NTN1: variants seen among roughly 807,000 people sequenced by gnomAD.
NTN1 encodes the protein netrin-1.
NTN1 carries 11 observed loss-of-function variants against 54.2 expected under a neutral mutation model. That is an observed-to-expected ratio of 0.20 (90% CI 0.13 to 0.34). The LOEUF is 0.34. Ranked by LOEUF, NTN1 falls within the 10% of genes least tolerant of loss-of-function variation. NTN1 has a pLI of 1.00. For synonymous variants in NTN1, 371 were observed against 382.0 expected, an observed-to-expected ratio of 0.97 and a Z score of 0.33; for missense variants, 740 against 893.1, an observed-to-expected ratio of 0.83 and a Z score of 2.18.
intron 2 of NTN1, among the ~76,000 whole-genome samples, chr17:9,063,712 TA>T (rs1310524981): frequency 1.3e-5 from 2 of 152,140 alleles, no homozygotes; most frequent in Non-Finnish European, 2.9e-5. Flanking sequence ...CACGCCTGGC[TA>T]ATTTTTTTGT....
At chr17:9,072,947 A>G (rs1405058305) in intron 2 of NTN1, among the ~76,000 whole-genome samples, 3 of 151,874 alleles carry the variant, frequency 2.0e-5, no homozygotes, top group African/African-American at 7.3e-5. Flanking sequence ...TTCCTTCCCC[A>G]CCCTCCTGTA....
At chr17:9,162,629 C>T (rs547905950) in intron 2 of NTN1, among the ~76,000 whole-genome samples, 184 bp from the exon 3 acceptor site, 1 of 152,298 alleles carries the variant, frequency 6.6e-6, no homozygotes, top group Non-Finnish European at 1.5e-5. Context: ...TGTTACGTGC[C>T]CAATAAATGC....
At position 9,187,547 on chromosome 17, in the gene NTN1, C is replaced by T. The variant is rs1470455126; in HGVS notation, c.1411+4578C>T. On this transcript the variant is annotated intron_variant, in intron 5 of 6. Transcript: ENST00000173229. ...AAATGAATGGCCAGGTGCGGTGGCT[C>T]ACGCCCATAATCCAACCACCTCGGG... Among the ~76,000 whole-genome samples, 4 of 151,002 alleles carry T rather than the reference C, an allele frequency of 2.6e-5. No homozygotes were observed. In the Admixed American group the frequency reaches 2.7e-4, roughly 10 times the overall value.
In NTN1 at chr17:9,242,170, A is replaced by AT. The variant is rs942382566; in HGVS notation, c.*2202_*2203insT. ...GAGGTGGTAGAAAGGTGTTTTTAGAAAGGTGTTTTGGCTGCCTCAGGGTGG... is the reference window on the plus strand; with the variant it reads ...GAGGTGGTAGAAAGGTGTTTTTAGAATAGGTGTTTTGGCTGCCTCAGGGTGG... On this transcript the variant is annotated 3_prime_UTR_variant, in exon 7 of 7. Transcript: ENST00000173229. The AT allele has an allele frequency of 1.3e-5, 2 of 152,476 alleles. No individual in the cohort carries two copies. Among genetic ancestry groups the AT allele is most frequent in the African/African-American group, 2.4e-5 (1 of 41,450 alleles). The allele number at this position is 152,476 out of a possible 1,614,324, so 9.4% of individuals were successfully genotyped here. A position where few individuals can be genotyped will look rare whatever the true frequency, so the allele number is the denominator to read the frequency against.
At chr17:9,065,351 C>T (rs2092011826) in intron 2 of NTN1, among the ~76,000 whole-genome samples, 1 of 152,178 alleles carries the variant, frequency 6.6e-6, no homozygotes, top group African/African-American at 2.4e-5. Context: ...CTCCTGGTTT[C>T]CTGCCCACAC....
intron 6 of NTN1, among the ~76,000 whole-genome samples, chr17:9,229,709 A>G (rs1280700089): frequency 1.3e-5 from 2 of 152,044 alleles, no homozygotes; most frequent in African/African-American, 2.4e-5. Context: ...CACTGGGCAT[A>G]GTGGCAGGGA....
In NTN1 at chr17:9,243,505, A is replaced by T. The variant is rs140575051; in HGVS notation, c.*3537A>T. The T allele has an allele frequency of 6.6e-6, 1 of 152,392 alleles. No homozygotes were observed. The highest frequency in any genetic ancestry group is 1.5e-5 in the Non-Finnish European group (1 of 68,062). 9.4% of individuals were successfully genotyped at this position (152,392 alleles called of 1,614,324 possible). A position where few individuals can be genotyped will look rare whatever the true frequency, so the allele number is the denominator to read the frequency against. ...CTTAAAGGAAGTCCCCTTGAAGCCCAGAGTGGACAGACTAGACCCATTGAT... is the reference window on the plus strand; with the variant it reads ...CTTAAAGGAAGTCCCCTTGAAGCCCTGAGTGGACAGACTAGACCCATTGAT... On this transcript the variant is annotated 3_prime_UTR_variant, in exon 7 of 7. Transcript: ENST00000173229.
intron 5 of NTN1, among the ~76,000 whole-genome samples, chr17:9,189,391 G>C (rs1321483844): frequency 6.6e-6 from 1 of 152,152 alleles, no homozygotes; most frequent in African/African-American, 2.4e-5. Context: ...TTGCTCTTTC[G>C]CCCAGGCTGT....
At chr17:9,114,143 C>CAAAAAAAA (rs1491305006) in intron 2 of NTN1, among the ~76,000 whole-genome samples, 17 of 61,084 alleles carry the variant, frequency 2.8e-4, no homozygotes, top group Non-Finnish European at 4.4e-4. Flanking sequence ...GCCTGGGTGC[C>CAAAAAAAA]AAAAAAAAAG....
intron 3 of NTN1, among the ~76,000 whole-genome samples, chr17:9,170,875 C>G (rs936533281): frequency 2.6e-5 from 4 of 151,356 alleles, no homozygotes; most frequent in Non-Finnish European, 4.4e-5. Context: ...CACACACACA[C>G]ACACACACTC....
intron 2 of NTN1, among the ~76,000 whole-genome samples, chr17:9,138,086 C>A (rs2092286726): frequency 6.6e-6 from 1 of 152,230 alleles, no homozygotes; most frequent in Admixed American, 6.5e-5. Flanking sequence ...GCCACAGGGC[C>A]TGCTGGTTTG....
At chr17:9,118,358 A>T (rs1323402923) in intron 2 of NTN1, among the ~76,000 whole-genome samples, 1 of 152,176 alleles carries the variant, frequency 6.6e-6, no homozygotes, top group East Asian at 1.9e-4. Context: ...CTCTACTAAA[A>T]ATACAAAAAA....
At chr17:9,222,181 G>A (rs1351770792) in intron 6 of NTN1, among the ~76,000 whole-genome samples, 1 of 152,220 alleles carries the variant, frequency 6.6e-6, no homozygotes, top group African/African-American at 2.4e-5. Flanking sequence ...TGAGCCTGGG[G>A]CTGGCCCCCC....
chr17:9,128,411 T>G (rs908056784), intron 2 of NTN1, among the ~76,000 whole-genome samples: 3 of 151,940 alleles, frequency 2.0e-5, no homozygotes, highest in Non-Finnish European at 4.4e-5. Context: ...GTAATGATGA[T>G]GATGCTTCTG....
Position 9,073,728 on chromosome 17 carries a change from T to C in NTN1, c.1018+50337T>C, listed in dbSNP as rs147225561. 3.6e-3 allele frequency among the ~76,000 whole-genome samples: 541 copies of C among 152,332 alleles called. 4 individuals are homozygous for C. The highest frequency in any genetic ancestry group is 0.013 in the African/African-American group (520 of 41,572). ...AGAGAGAATATGGGAATTGCACCTG[T>C]TGATCCAGGTTGTGCGTTCCAGAGA... On this transcript the variant is annotated intron_variant, in intron 2 of 6. Transcript: ENST00000173229.
chr17:9,056,829 A>G (rs1046322191), intron 2 of NTN1, among the ~76,000 whole-genome samples: 3 of 152,168 alleles, frequency 2.0e-5, no homozygotes, highest in African/African-American at 4.8e-5. Context: ...AGATGTGGCA[A>G]TGGCTTTTTG....
At chr17:9,227,481 GCA>G (rs201621035) in intron 6 of NTN1, among the ~76,000 whole-genome samples, 164 of 126,996 alleles carry the variant, frequency 1.3e-3, no homozygotes, top group Admixed American at 4.1e-3. Flanking sequence ...CACACACATA[GCA>G]CACACACATG....
upstream of NTN1, among the ~76,000 whole-genome samples, chr17:9,018,585 T>C (rs947926451): frequency 2.8e-5 from 4 of 141,982 alleles, no homozygotes; most frequent in African/African-American, 8.0e-5. Context: ...GAATGCGCCA[T>C]TGCACTCCAG....
rs112870063 is a variant in NTN1, at chr17:9,238,142, G to A, written c.1487-1498G>A. ...CAGGAGCAGAGTGGCCCCCAGAGAC[G>A]TTGACAGAAGCCAGCCAGCATAGGA... On this transcript the variant is annotated intron_variant, in intron 6 of 6. Coordinates refer to ENST00000173229, the MANE Select transcript of NTN1 (RefSeq NM_004822.3). 2.2e-3 allele frequency among the ~76,000 whole-genome samples: 330 copies of A among 152,256 alleles called. 2 individuals carry two copies. Among genetic ancestry groups the A allele is most frequent in the African/African-American group, 7.3e-3 (304 of 41,560 alleles).
Sources: allele counts gnomAD v4.1 joint callset (sites outside exome capture counted in the v4.1 genomes callset), GRCh38; gene constraint gnomAD v4.1.1; transcripts MANE v1.5; gene names NCBI Gene and HGNC (gene_info 2026-07-23, HGNC 2026-07-21).